INSL6: variants seen among roughly 807,000 people sequenced by gnomAD.
The protein encoded by INSL6 is insulin like 6, also known as insulin-like peptide INSL6.
Under a neutral mutation model 9.4 loss-of-function variants are expected in INSL6, and 16 were observed. The ratio of observed to expected loss-of-function variants is 1.70; its 90% CI spans 1.15 to 2.59. INSL6 has a LOEUF of 2.59. Among genes scored for constraint, INSL6 ranks in the 30% most tolerant of loss-of-function variants. The probability of loss-of-function intolerance (pLI) is 0.00; values close to 1 mark genes in which losing one functional copy is unlikely to be tolerated. For synonymous variants in INSL6, 154 were observed against 96.9 expected, an observed-to-expected ratio of 1.59 and a Z score of -3.46; for missense variants, 391 against 257.3, an observed-to-expected ratio of 1.52 and a Z score of -3.56.
intron 1 of INSL6, among the ~76,000 whole-genome samples, chr9:5,177,517 C>A (rs1431829510): frequency 6.6e-6 from 1 of 152,108 alleles, no homozygotes; most frequent in East Asian, 1.9e-4. Flanking sequence ...ACAATGAGGC[C>A]CAGGAGTTTT....
chr9:5,088,154 A>G, the INSL6 span, among the ~76,000 whole-genome samples: 1 of 152,210 alleles, frequency 6.6e-6, no homozygotes, highest in Non-Finnish European at 1.5e-5. Flanking sequence ...GGAGTTCTGA[A>G]TTGTCCGCGG....
intron 2 of INSL6, among the ~76,000 whole-genome samples, chr9:5,149,251 G>A (rs1268818708): frequency 1.3e-5 from 2 of 152,164 alleles, no homozygotes; most frequent in East Asian, 1.9e-4. Flanking sequence ...CACCCCAAAC[G>A]GGATTCCCAG....
At chr9:5,109,325 T>C in the INSL6 span, 1 of 152,170 alleles carries the variant, frequency 6.6e-6, no homozygotes, top group Non-Finnish European at 1.5e-5. Context: ...CATTAAATTG[T>C]GGATCTAATA....
At chr9:4,998,162 A>C in the INSL6 span, among the ~76,000 whole-genome samples, 13 of 152,306 alleles carry the variant, frequency 8.5e-5, no homozygotes, top group South Asian at 1.2e-3. Context: ...CAAACTCGTC[A>C]CTTCTTAAAA....
At chr9:5,110,981 T>C in the INSL6 span, 4 of 630,872 alleles carry the variant, frequency 6.3e-6, no homozygotes, top group Non-Finnish European at 1.2e-5. Flanking sequence ...GACTTCAGCA[T>C]GATGTTCCCG....
the INSL6 span, chr9:5,085,495 G>A: frequency 5.6e-6 from 4 of 720,074 alleles, no homozygotes; most frequent in Non-Finnish European, 7.9e-6. Flanking sequence ...ATTTTCTTTT[G>A]ACCCGAGCTG....
chr9:5,087,966 T>A, the INSL6 span, among the ~76,000 whole-genome samples: 3 of 152,330 alleles, frequency 2.0e-5, no homozygotes, highest in Admixed American at 2.0e-4. Context: ...TTTCAAGGAA[T>A]ATATAGTGGC....
At chr9:5,077,714 A>T in the INSL6 span, 1 of 487,358 alleles carries the variant, frequency 2.1e-6, no homozygotes, top group Non-Finnish European at 3.4e-6. Context: ...GTGTTAGGTG[A>T]TAAAAAGAGA....
intron 3 of INSL6, among the ~76,000 whole-genome samples, chr9:5,128,787 G>A (rs963365962): frequency 3.3e-5 from 5 of 151,840 alleles, no homozygotes; most frequent in Non-Finnish European, 5.9e-5. Flanking sequence ...AGATAACCCT[G>A]TAGTTATTAA....
At chr9:5,013,398 C>G in the INSL6 span, among the ~76,000 whole-genome samples, 1 of 152,142 alleles carries the variant, frequency 6.6e-6, no homozygotes, top group Non-Finnish European at 1.5e-5. Flanking sequence ...TTATATCTTG[C>G]AATAGAATGC....
the INSL6 span, among the ~76,000 whole-genome samples, chr9:5,011,727 A>G: frequency 1.3e-5 from 2 of 152,108 alleles, no homozygotes; most frequent in African/African-American, 4.8e-5. Context: ...ACTCCGGATG[A>G]TGTGGATTTC....
At chr9:5,124,390 G>A (rs1823841530) in exon 4 of INSL6, among the ~76,000 whole-genome samples, 2 of 151,264 alleles carry the variant, frequency 1.3e-5, no homozygotes, top group Admixed American at 6.6e-5. Flanking sequence ...TTTCTATATG[G>A]TGATAAATAT....
At chr9:5,114,503 C>T in the INSL6 span, 7 of 470,354 alleles carry the variant, frequency 1.5e-5, no homozygotes, top group South Asian at 3.6e-5. Context: ...CACAGGTCTA[C>T]GTGTTTGCAA....
chr9:5,179,763 T>C (rs1825403501), intron 1 of INSL6, among the ~76,000 whole-genome samples: 1 of 152,158 alleles, frequency 6.6e-6, no homozygotes, highest in South Asian at 2.1e-4. Context: ...AAACACCACA[T>C]GTTCTCACTT....
the INSL6 span, among the ~76,000 whole-genome samples, chr9:5,004,850 A>G: frequency 1.3e-5 from 2 of 150,534 alleles, no homozygotes; most frequent in South Asian, 2.1e-4. Flanking sequence ...AGATCTCACT[A>G]TGGTTTTAAT....
chr9:5,116,810 T>C, the INSL6 span, among the ~76,000 whole-genome samples: 1 of 152,200 alleles, frequency 6.6e-6, no homozygotes, highest in Admixed American at 6.5e-5. Flanking sequence ...CCATAGTCCC[T>C]TCAAGAGCTC....
chr9:5,044,310 T>C, the INSL6 span: 1 of 771,392 alleles, frequency 1.3e-6, no homozygotes. Flanking sequence ...TATGGGATAA[T>C]ACCTTTCAGT....
At chr9:5,089,560 AAAAAAGAC>A in the INSL6 span, 17 of 365,418 alleles carry the variant, frequency 4.7e-5, no homozygotes, top group Admixed American at 1.5e-4. Context: ...AAAAAAAAAA[AAAAAAGAC>A]AGTCTGCTAA....
At chr9:5,166,183 G>A (rs1347935946) in intron 1 of INSL6, among the ~76,000 whole-genome samples, 1 of 152,216 alleles carries the variant, frequency 6.6e-6, no homozygotes. Context: ...GATTCACAGA[G>A]AGAGAGGAAG....
Sources: gnomAD v4.1 joint callset for allele counts (sites outside exome capture counted in the v4.1 genomes callset) on GRCh38, gnomAD v4.1.1 for gene constraint, MANE v1.5 for transcripts, NCBI Gene and HGNC (gene_info 2026-07-23, HGNC 2026-07-21) for gene names.